The following MTA1 variants were observed in gnomAD, a reference collection of about 807,000 sequenced individuals.
The protein encoded by MTA1 is metastasis-associated protein MTA1.
Under a neutral mutation model 97.0 loss-of-function variants are expected in MTA1, and 15 were observed. That is an observed-to-expected ratio of 0.15 (90% confidence interval 0.10 to 0.24). The LOEUF is 0.24. Among genes scored for constraint, MTA1 ranks in the 10% least tolerant of loss-of-function variants. The pLI is 1.00. For synonymous variants in MTA1, 435 were observed against 417.5 expected (o/e 1.04, Z -0.51); for missense variants, 709 against 1,015.1 (o/e 0.70, Z 4.10).
rs2083450409 is a variant in MTA1, at chr14:105,463,700, G to A, written c.1076+149G>A. 1 of 740,564 alleles carries A rather than the reference G, an allele frequency of 1.4e-6. No individual in the cohort carries two copies. Among genetic ancestry groups the A allele is most frequent in the Non-Finnish European group, 2.2e-6 (1 of 446,740 alleles). The allele number at this position is 740,564 out of a possible 1,614,324, so 45.9% of individuals were successfully genotyped here. A position where few individuals can be genotyped will look rare whatever the true frequency, so the allele number is the denominator to read the frequency against. On this transcript the variant is annotated intron_variant, in intron 12 of 20. Coordinates refer to ENST00000331320, the MANE Select transcript of MTA1 (RefSeq NM_004689.4). The surrounding 1 kb of genome is among the most constrained non-coding windows in gnomAD (Gnocchi z 5.9). The stretch of plus-strand genomic sequence containing the variant: ...CCCCCGGGAGGGCGGCCCAGGGCTG[G>A]GGGGTTCTGGCTGCAGACGCAGTGG...
In MTA1 at chr14:105,470,727, C is replaced by T. The variant is rs917518961; in HGVS notation, c.*512C>T. 6.5e-6 allele frequency: 1 copy of T among 152,852 alleles called. No individual in the cohort carries two copies. The highest frequency in any genetic ancestry group is 1.5e-5 in the Non-Finnish European group (1 of 68,564). The allele number at this position is 152,852 out of a possible 1,614,324, so 9.5% of individuals were successfully genotyped here. ...AAAATCTTATAAAAAGGAAAAAAAC[C>T]AACCGGTCCTTCCCTGTGTCTTTTG... On this transcript the variant is annotated 3_prime_UTR_variant, in exon 21 of 21. Coordinates refer to ENST00000331320, the MANE Select transcript of MTA1 (RefSeq NM_004689.4).
At chr14:105,458,178 C>T (rs1173137597) in intron 7 of MTA1, 92 bp from the exon 8 acceptor site, 14 of 1,069,634 alleles carry the variant, frequency 1.3e-5, no homozygotes, top group Middle Eastern at 2.4e-4. Context: ...TCCCCCTCCC[C>T]GTCCCAGCAG....
chr14:105,420,100 G>T lies in MTA1; in HGVS notation c.28+37G>T, dbSNP rs782736016. ...CCGCCTTTATGCCCGGCCCCGACCC[G>T]CCCGCAGCCCCCACCCGCCGCCGCT... On this transcript the variant is annotated intron_variant, in intron 1 of 20. Coordinates refer to ENST00000331320, the MANE Select transcript of MTA1 (RefSeq NM_004689.4). The surrounding 1 kb of genome is among the most constrained non-coding windows in gnomAD (Gnocchi z 5.3). 3 of 719,656 alleles carry T rather than the reference G, an allele frequency of 4.2e-6. No individual in the cohort carries two copies. The highest frequency in any genetic ancestry group is 1.1e-4 in the South Asian group (2 of 18,136). The allele number at this position is 719,656 out of a possible 1,614,324, so 44.6% of individuals were successfully genotyped here. A position where few individuals can be genotyped will look rare whatever the true frequency, so the allele number is the denominator to read the frequency against.
chr14:105,427,462 G>A (rs2082046829), intron 1 of MTA1, among the ~76,000 whole-genome samples: 1 of 152,212 alleles, frequency 6.6e-6, no homozygotes, highest in African/African-American at 2.4e-5. Context: ...TGGAGAGAAC[G>A]TGTGTTGGAC....
chr14:105,446,803 C>T (rs1238255653), intron 3 of MTA1, among the ~76,000 whole-genome samples: 1 of 152,238 alleles, frequency 6.6e-6, no homozygotes, highest in Non-Finnish European at 1.5e-5. Flanking sequence ...CCACTCTGGA[C>T]ACTGGGCTGT....
chr14:105,443,534 G>C (rs1342288489), intron 2 of MTA1, among the ~76,000 whole-genome samples: 1 of 152,146 alleles, frequency 6.6e-6, no homozygotes, highest in Admixed American at 6.6e-5. Context: ...ACTGCATCTG[G>C]TTAATTTTTA....
chr14:105,466,426 A>AGGGGGGGGGGCGG lies in MTA1; in HGVS notation c.1626_1627insGGGGGGGGGCGGG (p.Thr543GlyfsTer13). 2.0e-6 allele frequency: 3 copies of AGGGGGGGGGGCGG among 1,484,208 alleles called. No individual in the cohort carries two copies. The highest frequency in any genetic ancestry group is 2.8e-6 in the Non-Finnish European group (3 of 1,071,312). The allele number at this position is 1,484,208 out of a possible 1,614,324, so 91.9% of individuals were successfully genotyped here. A position where few individuals can be genotyped will look rare whatever the true frequency, so the allele number is the denominator to read the frequency against. ...GTTCTGCCTGTGTCATTCCCGGCAGAGACCCACCCCCGCCCCCCCAAGCCT... is the reference window on the plus strand; with the variant it reads ...GTTCTGCCTGTGTCATTCCCGGCAGAGGGGGGGGGGCGGGACCCACCCCCGCCCCCCCAAGCCT... On this transcript the variant is annotated frameshift_variant and splice_region_variant, in exon 17 of 21. Coordinates refer to ENST00000331320, the MANE Select transcript of MTA1 (RefSeq NM_004689.4). LOFTEE classifies it high-confidence loss of function.
rs1555431497 is a variant in MTA1, at chr14:105,463,305, C to A, written c.1017+47C>A. On this transcript the variant is annotated intron_variant, in intron 11 of 20. Transcript: ENST00000331320. The surrounding 1 kb of genome is among the most constrained non-coding windows in gnomAD (Gnocchi z 5.9). ...TGCCCGGGGTGTGCCGCCTCCCCGT[C>A]CTGCGCCCCATCCTCTCCCAGCAGG... The A allele has an allele frequency of 6.3e-7, 1 of 1,598,222 alleles. No individual in the cohort carries two copies. The highest frequency in any genetic ancestry group is 1.3e-5 in the African/African-American group (1 of 74,536).
intron 7 of MTA1, among the ~76,000 whole-genome samples, chr14:105,455,687 C>T (rs140521169): frequency 6.6e-6 from 1 of 152,372 alleles, no homozygotes; most frequent in East Asian, 1.9e-4. Context: ...CCGTAAGGTG[C>T]TGGTGCGTCT....
intron 7 of MTA1, among the ~76,000 whole-genome samples, chr14:105,455,443 G>A (rs587639386): frequency 1.1e-4 from 16 of 152,332 alleles, no homozygotes; most frequent in Non-Finnish European, 2.2e-4. Flanking sequence ...CTCCCCGCTG[G>A]GCAAGGCCGC....
intron 3 of MTA1, among the ~76,000 whole-genome samples, chr14:105,447,788 G>A (rs1029278352): frequency 6.6e-6 from 1 of 152,208 alleles, no homozygotes; most frequent in African/African-American, 2.4e-5. Context: ...CTTGCCTGGC[G>A]GCTGGGCCTT....
chr14:105,453,624 A>G (rs2083029792), intron 6 of MTA1, among the ~76,000 whole-genome samples: 1 of 152,252 alleles, frequency 6.6e-6, no homozygotes, highest in African/African-American at 2.4e-5. Context: ...AGCCTGGCCA[A>G]CATGGTGAAA....
intron 1 of MTA1, among the ~76,000 whole-genome samples, chr14:105,438,293 G>A (rs782045319): frequency 1.8e-4 from 28 of 152,174 alleles, no homozygotes; most frequent in Non-Finnish European, 3.8e-4. Context: ...GCTCCCGGCA[G>A]GGTCTGGGCA....
Position 105,450,085 on chromosome 14 carries a change from C to T in MTA1, c.269C>T (p.Pro90Leu), listed in dbSNP as rs782533215. The T allele has an allele frequency of 2.0e-5, 33 of 1,613,366 alleles. No homozygotes were observed. Among genetic ancestry groups the T allele is most frequent in the Admixed American group, 3.3e-5 (2 of 59,996 alleles). Reference sequence around the variant, plus strand: ...GAAATAGAAGAGGAAATGGAGAACCCGGAAATGGTGGACCTGCCCGAGAAA... The same window carrying T: ...GAAATAGAAGAGGAAATGGAGAACCTGGAAATGGTGGACCTGCCCGAGAAA... ...EGEIEEEMEN[P>L]EMVDLPEKLK... The change falls in exon 5 of 21, where the codon CCG (proline) becomes CTG (leucine). Residue 90 changes from proline to leucine, a missense_variant. By Grantham distance (98) the Pro-to-Leu change is moderately conservative. Coordinates refer to ENST00000331320, the MANE Select transcript of MTA1 (RefSeq NM_004689.4).
At position 105,450,300 on chromosome 14, in the gene MTA1, G is replaced by A. The variant is rs376000021; in HGVS notation, c.408G>A (p.Ser136=). ...TCACCCTGCTCAACGAGACCGAGTC[G>A]CTCAAGTCCTACCTGGAGCGGGAGG... ...CSVTLLNETE[S]LKSYLEREDF... Residue 136 remains serine (S), a synonymous_variant, in exon 6 of 21, where the codon TCG becomes TCA. Coordinates refer to ENST00000331320, the MANE Select transcript of MTA1 (RefSeq NM_004689.4). 45 of 1,606,834 alleles carry A rather than the reference G, an allele frequency of 2.8e-5. No homozygotes were observed. In the African/African-American group the frequency reaches 2.9e-4, roughly 10 times the overall value.
chr14:105,463,815 C>T lies in MTA1; in HGVS notation c.1077-217C>T. 1 of 636,418 alleles carries T rather than the reference C, an allele frequency of 1.6e-6. No homozygotes were observed. The allele number at this position is 636,418 out of a possible 1,614,324, so 39.4% of individuals were successfully genotyped here. A position where few individuals can be genotyped will look rare whatever the true frequency, so the allele number is the denominator to read the frequency against. The stretch of plus-strand genomic sequence containing the variant: ...CAGGGTTCAGTCCCTGAGCTGGGCT[C>T]CATGCTAGGGGGAGCACGGGGGCCT... On this transcript the variant is annotated intron_variant, in intron 12 of 20. Transcript: ENST00000331320. This position sits in a 1 kb window ranked among gnomAD's most constrained non-coding sequence, Gnocchi z 5.9.
rs1415803543 is a variant in MTA1, at chr14:105,463,431, C to T, written c.1018-62C>T. ...CTCCTCTCCGTAGCCTCCAGCCTGTCTGCACTGCAGCCCCAACCTGGGCCT... is the reference window on the plus strand; with the variant it reads ...CTCCTCTCCGTAGCCTCCAGCCTGTTTGCACTGCAGCCCCAACCTGGGCCT... On this transcript the variant is annotated intron_variant, in intron 11 of 20. Coordinates refer to ENST00000331320, the MANE Select transcript of MTA1 (RefSeq NM_004689.4). This position sits in a 1 kb window ranked among gnomAD's most constrained non-coding sequence, Gnocchi z 5.9. 5.7e-6 allele frequency: 9 copies of T among 1,581,848 alleles called. No individual in the cohort carries two copies. The highest frequency in any genetic ancestry group is 7.8e-6 in the Non-Finnish European group (9 of 1,152,170).
intron 7 of MTA1, among the ~76,000 whole-genome samples, chr14:105,456,554 G>A (rs995633942): frequency 4.6e-5 from 7 of 152,238 alleles, no homozygotes; most frequent in East Asian, 1.9e-4. Flanking sequence ...GTGTGGGGCC[G>A]GGACGTGGCG....
intron 7 of MTA1, among the ~76,000 whole-genome samples, chr14:105,457,253 A>G (rs782583776): frequency 4.6e-5 from 7 of 152,230 alleles, no homozygotes; most frequent in Admixed American, 1.3e-4. Context: ...AGGCTCAGCC[A>G]TGCTCAGACA....
Sources: allele counts gnomAD v4.1 joint callset (sites outside exome capture counted in the v4.1 genomes callset), GRCh38; gene constraint gnomAD v4.1.1; non-coding constraint Gnocchi (gnomAD v3.1); transcripts MANE v1.5; gene names NCBI Gene and HGNC (gene_info 2026-07-23, HGNC 2026-07-21).